Variants in TMEM132D observed in about 807,000 individuals in gnomAD.
The protein encoded by TMEM132D is mature OL transmembrane protein.
In TMEM132D, 21 loss-of-function variants were observed where a neutral mutation model predicts 62.3. That is an observed-to-expected ratio of 0.34 (90% confidence interval 0.24 to 0.49). TMEM132D has a LOEUF of 0.49. Among genes scored for constraint, TMEM132D ranks in the 20% least tolerant of loss-of-function variants. TMEM132D has a pLI of 0.99. For synonymous variants in TMEM132D, 621 were observed against 575.6 expected, an observed-to-expected ratio of 1.08 and a Z score of -1.13; for missense variants, 1,346 against 1,402.8, an observed-to-expected ratio of 0.96 and a Z score of 0.65.
At chr12:129,726,258 C>G (rs1342290119) in intron 1 of TMEM132D, among the ~76,000 whole-genome samples, 1 of 152,122 alleles carries the variant, frequency 6.6e-6, no homozygotes, top group Non-Finnish European at 1.5e-5. Flanking sequence ...TGAGTACGGC[C>G]CCAGGAGTCC....
At chr12:129,426,835 C>A (rs1483348621) in intron 3 of TMEM132D, among the ~76,000 whole-genome samples, 1 of 152,218 alleles carries the variant, frequency 6.6e-6, no homozygotes, top group Non-Finnish European at 1.5e-5. Context: ...TAGGAGGTGG[C>A]AGAAGCGGGA....
At chr12:129,091,317 C>T (rs575151324) in intron 5 of TMEM132D, among the ~76,000 whole-genome samples, 2 of 151,592 alleles carry the variant, frequency 1.3e-5, no homozygotes, top group South Asian at 2.1e-4. Context: ...TATAGGCTCA[C>T]AAGGGCTCTG....
At chr12:129,091,964 G>A (rs1418183521) in intron 5 of TMEM132D, among the ~76,000 whole-genome samples, 1 of 152,196 alleles carries the variant, frequency 6.6e-6, no homozygotes, top group African/African-American at 2.4e-5. Context: ...GAAATGTAAT[G>A]GTCTAGGTGA....
chr12:129,462,634 A>G (rs1873717027), intron 3 of TMEM132D, among the ~76,000 whole-genome samples: 1 of 152,204 alleles, frequency 6.6e-6, no homozygotes, highest in Non-Finnish European at 1.5e-5. Context: ...TAACTACCCA[A>G]TTAATTTCAC....
At position 129,649,685 on chromosome 12, in the gene TMEM132D, T is replaced by C. The variant is rs139035710; in HGVS notation, c.968+50125A>G. ...ACAACCTATAGAATATACTGTTCTA[T>C]ATAATAGAATAAAAAGGTATATATA... On this transcript the variant is annotated intron_variant, in intron 2 of 8. Transcript: ENST00000422113. 3.9e-5 allele frequency among the ~76,000 whole-genome samples: 6 copies of C among 152,270 alleles called. No homozygotes were observed. In the East Asian group the frequency reaches 5.8e-4, roughly 15 times the overall value.
Position 129,547,232 on chromosome 12 carries a change from G to A in TMEM132D, c.969-16027C>T, listed in dbSNP as rs138509174. ...TTCCAGCATGTCTGTGTCTTCACGG[G>A]GCCTTCCTTTTTAAATTTTTTCTAG... On this transcript the variant is annotated intron_variant, in intron 2 of 8. Transcript: ENST00000422113. Among the ~76,000 whole-genome samples, 292 of 152,106 alleles carry A rather than the reference G, an allele frequency of 1.9e-3. 2 individuals carry two copies. Among genetic ancestry groups the A allele is most frequent in the African/African-American group, 6.8e-3 (284 of 41,522 alleles).
At position 129,154,431 on chromosome 12, in the gene TMEM132D, A is replaced by T. The variant is rs7957390; in HGVS notation, c.1443+55089T>A. 5.0e-3 allele frequency among the ~76,000 whole-genome samples: 764 copies of T among 152,320 alleles called. 6 individuals carry two copies. Among genetic ancestry groups the T allele is most frequent in the African/African-American group, 0.017 (688 of 41,564 alleles). On this transcript the variant is annotated intron_variant, in intron 5 of 8. Transcript: ENST00000422113. ...TTAACTCAACAAATATGGACTGCTT[A>T]GCACCCATTGCGATACAAGGCTTCT...
intron 4 of TMEM132D, among the ~76,000 whole-genome samples, chr12:129,327,749 C>T (rs904091118): frequency 6.6e-6 from 1 of 152,210 alleles, no homozygotes; most frequent in South Asian, 2.1e-4. Context: ...AAAGGAGCCC[C>T]CAAATGGTCT....
rs112978064 is a variant in TMEM132D at position 129,099,170 on chromosome 12, T to C, written c.1444-14468A>G. ...GCCCATTGAATTTCTCTAAAAATCA[T>C]TTACTACCCCTCTAAAATCATCCAC... On this transcript the variant is annotated intron_variant, in intron 5 of 8. Coordinates refer to ENST00000422113, the MANE Select transcript of TMEM132D (RefSeq NM_133448.3). Among the ~76,000 whole-genome samples, 1,394 of 152,252 alleles carry C rather than the reference T, an allele frequency of 9.2e-3. 30 individuals carry two copies. Among genetic ancestry groups the C allele is most frequent in the African/African-American group, 0.031 (1,282 of 41,542 alleles).
chr12:129,340,774 A>G (rs149068827), intron 3 of TMEM132D, among the ~76,000 whole-genome samples: 31 of 152,348 alleles, frequency 2.0e-4, no homozygotes, highest in African/African-American at 7.5e-4. Flanking sequence ...ATGCTGCTAT[A>G]AAGACACATG....
At chr12:129,297,336 C>T (rs1881603845) in intron 4 of TMEM132D, among the ~76,000 whole-genome samples, 1 of 152,224 alleles carries the variant, frequency 6.6e-6, no homozygotes, top group Admixed American at 6.5e-5. Context: ...CCTGGCTAGG[C>T]CTCACAGTGG....
chr12:129,453,370 G>T (rs980000836), intron 3 of TMEM132D, among the ~76,000 whole-genome samples: 2 of 152,108 alleles, frequency 1.3e-5, no homozygotes, highest in Non-Finnish European at 2.9e-5. Context: ...CTCCCGCAGG[G>T]TCCCATCCTT....
chr12:129,260,911 G>A (rs1880533186), intron 4 of TMEM132D, among the ~76,000 whole-genome samples: 1 of 152,030 alleles, frequency 6.6e-6, no homozygotes, highest in African/African-American at 2.4e-5. Context: ...TATCCACTTG[G>A]TTGCTGGGCA....
chr12:129,889,401 T>A (rs1874850497), intron 1 of TMEM132D, among the ~76,000 whole-genome samples: 1 of 152,128 alleles, frequency 6.6e-6, no homozygotes, highest in Non-Finnish European at 1.5e-5. Context: ...CCTTGAACCC[T>A]CCTTTCCCCA....
At chr12:129,424,333 C>A in intron 3 of TMEM132D, among the ~76,000 whole-genome samples, 1 of 152,168 alleles carries the variant, frequency 6.6e-6, no homozygotes, top group East Asian at 1.9e-4. Flanking sequence ...TCTCTAGTCA[C>A]GCACTCAAAA....
At chr12:129,145,435 C>T (rs747241672) in intron 5 of TMEM132D, among the ~76,000 whole-genome samples, 2 of 152,116 alleles carry the variant, frequency 1.3e-5, no homozygotes, top group Non-Finnish European at 2.9e-5. Flanking sequence ...TGGGCAGGTG[C>T]ATTTGCTAGG....
At chr12:129,343,633 C>T (rs1019955981) in intron 3 of TMEM132D, among the ~76,000 whole-genome samples, 2 of 151,814 alleles carry the variant, frequency 1.3e-5, no homozygotes, top group Non-Finnish European at 2.9e-5. Flanking sequence ...ATAATGTTGC[C>T]GGGCGTGGTG....
In TMEM132D at chr12:129,371,501, T is replaced by C. The variant is rs111065085; in HGVS notation, c.1116-33684A>G. Among the ~76,000 whole-genome samples the C allele has an allele frequency of 5.7e-3, 865 of 151,994 alleles. 6 individuals carry two copies. The highest frequency in any genetic ancestry group is 9.7e-3 in the Non-Finnish European group (658 of 67,976). ...GTGATAATGGTGATAAAGATGACAG[T>C]GGCAATGATAATGGTGGTGATTATG... On this transcript the variant is annotated intron_variant, in intron 3 of 8. Transcript: ENST00000422113. This position sits in a 1 kb window ranked among gnomAD's most constrained non-coding sequence, Gnocchi z 4.3.
chr12:129,454,564 G>A (rs4759943), intron 3 of TMEM132D, among the ~76,000 whole-genome samples: 31,392 of 152,108 alleles, frequency 0.21, 3,228 homozygotes, highest in East Asian at 0.3. Flanking sequence ...CAGGCAAGTG[G>A]ACAATATTTT....
Sources: gnomAD v4.1 joint callset for allele counts (sites outside exome capture counted in the v4.1 genomes callset) on GRCh38, gnomAD v4.1.1 for gene constraint, Gnocchi (gnomAD v3.1) non-coding constraint, MANE v1.5 for transcripts, NCBI Gene and HGNC (gene_info 2026-07-23, HGNC 2026-07-21) for gene names.